Variants in INTS10 observed in about 807,000 individuals in gnomAD.
The protein encoded by INTS10 is integrator complex subunit 10, also known as chromosome 8 open reading frame 35.
A neutral mutation model predicts 94.4 loss-of-function variants in INTS10; 44 were observed. The observed-to-expected ratio is 0.47, with a 90% CI of 0.37 to 0.60. INTS10 has a LOEUF of 0.60. Ranked by LOEUF, INTS10 falls within the 20% of genes least tolerant of loss-of-function variation. The pLI, the probability that INTS10 is intolerant of heterozygous loss-of-function variation, is 0.00. For synonymous variants in INTS10, 341 were observed against 320.7 expected, an observed-to-expected ratio of 1.06 and a Z score of -0.68; for missense variants, 797 against 868.7, an observed-to-expected ratio of 0.92 and a Z score of 1.04.
In INTS10 at chr8:19,832,052, G is replaced by C; in HGVS notation, c.1319G>C (p.Trp440Ser). The C allele has an allele frequency of 6.2e-7, 1 of 1,606,112 alleles. No homozygotes were observed. Among genetic ancestry groups the C allele is most frequent in the Non-Finnish European group, 8.5e-7 (1 of 1,172,674 alleles). The change falls in exon 11 of 17, where the codon TGG (tryptophan) becomes TCG (serine). Residue 440 changes from tryptophan to serine, a missense_variant. Transcript: ENST00000397977. ...DKEFTRICLA[W>S]KTDTWLWLRI... ...GAATTTACAAGGATTTGCTTGGCCT[G>C]GAAGACGGATACTTGGCTTTGGTTA... is the stretch of plus-strand genomic sequence containing the variant.
At chr8:19,836,788 T>C (rs1468900235) in intron 12 of INTS10, among the ~76,000 whole-genome samples, 1 of 152,226 alleles carries the variant, frequency 6.6e-6, no homozygotes, top group East Asian at 1.9e-4. Flanking sequence ...CAGTACTTAA[T>C]GCTTGGTTAA....
Position 19,849,183 on chromosome 8 carries a change from G to T in INTS10, c.1977-2466G>T. On this transcript the variant is annotated intron_variant, in intron 16 of 16. Transcript: ENST00000397977. The surrounding 1 kb of genome is among the most constrained non-coding windows in gnomAD (Gnocchi z 4.6). ...AAAGGCCTTCTAGCCCTCCCATGGG[G>T]TTACTGCAGCAGGAATTCTTACCTG... 5.4e-6 allele frequency: 7 copies of T among 1,289,624 alleles called. No individual in the cohort carries two copies. The highest frequency in any genetic ancestry group is 7.1e-6 in the Non-Finnish European group (7 of 988,724). The allele number at this position is 1,289,624 out of a possible 1,614,324, so 79.9% of individuals were successfully genotyped here. A position where few individuals can be genotyped will look rare whatever the true frequency, so the allele number is the denominator to read the frequency against.
chr8:19,849,076 T>C lies in INTS10; in HGVS notation c.1977-2573T>C. 2 of 538,082 alleles carry C rather than the reference T, an allele frequency of 3.7e-6. No individual in the cohort carries two copies. Among genetic ancestry groups the C allele is most frequent in the Non-Finnish European group, 6.5e-6 (2 of 309,060 alleles). The allele number at this position is 538,082 out of a possible 1,614,324, so 33.3% of individuals were successfully genotyped here. On this transcript the variant is annotated intron_variant, in intron 16 of 16. Transcript: ENST00000397977. The surrounding 1 kb of genome is among the most constrained non-coding windows in gnomAD (Gnocchi z 4.6). ...TTTCTGTTTAGTCTGCTTCTAGTCT[T>C]GTGTATTTTCTCTGGAGTGTTGTTT...
At chr8:19,847,171 G>C (rs10112589) in intron 16 of INTS10, among the ~76,000 whole-genome samples, 19,246 of 152,198 alleles carry the variant, frequency 0.13, 1,363 homozygotes, top group East Asian at 0.29. Context: ...AGAATGGAAA[G>C]ATTAAGTGGT....
chr8:19,840,062 C>CAAAAA (rs56275270), intron 13 of INTS10, among the ~76,000 whole-genome samples: 1 of 70,314 alleles, frequency 1.4e-5, no homozygotes, highest in Non-Finnish European at 2.5e-5. Flanking sequence ...GACCTTGTCT[C>CAAAAA]AAAAAAAAAA....
chr8:19,831,904 C>G, intron 10 of INTS10, 124 bp from the exon 11 acceptor site: 2 of 662,774 alleles, frequency 3.0e-6, no homozygotes, highest in South Asian at 3.4e-5. Context: ...TGTTAGAAAT[C>G]AAAGTCAAAG....
intron 2 of INTS10, among the ~76,000 whole-genome samples, chr8:19,819,088 T>G (rs901765508): frequency 1.3e-5 from 2 of 152,224 alleles, no homozygotes; most frequent in African/African-American, 4.8e-5. Context: ...ACCAATGGTG[T>G]ATAAAGAGTG....
intron 11 of INTS10, among the ~76,000 whole-genome samples, chr8:19,832,878 CA>C (rs1261848043): frequency 6.6e-6 from 1 of 152,088 alleles, no homozygotes; most frequent in Non-Finnish European, 1.5e-5. Context: ...ATGTTATATC[CA>C]AATGTGCTGG....
chr8:19,819,007 T>A (rs958727309), intron 2 of INTS10: 2 of 152,488 alleles, frequency 1.3e-5, no homozygotes, highest in African/African-American at 4.8e-5. Context: ...TAGTCAAAGT[T>A]TATGCGCATT....
In INTS10 at chr8:19,830,292, G is replaced by A. The variant is rs550729199; in HGVS notation, c.1141-114G>A. 7 of 813,924 alleles carry A rather than the reference G, an allele frequency of 8.6e-6. No homozygotes were observed. The South Asian group carries it at 1.5e-4, about 18-fold the overall frequency. 50.4% of individuals were successfully genotyped at this position (813,924 alleles called of 1,614,324 possible). The stretch of plus-strand genomic sequence containing the variant: ...AAATTCAAAAAAATTGTATGTATGT[G>A]GTATCCTTTGATATAAAATTCATAT... On this transcript the variant is annotated intron_variant, in intron 9 of 16. Transcript: ENST00000397977.
Position 19,845,809 on chromosome 8 carries a change from C to G in INTS10, c.1976+12C>G. On this transcript the variant is annotated intron_variant, in intron 16 of 16. Transcript: ENST00000397977. ...GGAATGCTGATCAAGTAAGCATGTTCTCTTTTGCTCTTCCATGCTGAGTGC... is the reference window on the plus strand; with the variant it reads ...GGAATGCTGATCAAGTAAGCATGTTGTCTTTTGCTCTTCCATGCTGAGTGC... 1 of 1,573,840 alleles carries G rather than the reference C, an allele frequency of 6.4e-7. No individual in the cohort carries two copies.
intron 16 of INTS10, among the ~76,000 whole-genome samples, chr8:19,850,213 C>T (rs555443283): frequency 3.3e-5 from 5 of 152,128 alleles, no homozygotes; most frequent in Non-Finnish European, 7.4e-5. Flanking sequence ...CAGTAACCTC[C>T]GCTTGGTCAG....
intron 9 of INTS10, among the ~76,000 whole-genome samples, chr8:19,828,712 T>A (rs2066993927): frequency 6.7e-6 from 1 of 150,154 alleles, no homozygotes; most frequent in South Asian, 2.1e-4. Flanking sequence ...ACCTGGCAGA[T>A]ACGGTTGTGG....
At chr8:19,820,609 T>C in intron 4 of INTS10, 91 bp downstream of exon 4, 1 of 1,190,458 alleles carries the variant, frequency 8.4e-7, no homozygotes. Flanking sequence ...AAAGCAGAAG[T>C]TTCTGAAGAG....
intron 15 of INTS10, 119 bp from the exon 16 acceptor site, chr8:19,845,585 T>C (rs2068508874): frequency 1.4e-6 from 1 of 700,282 alleles, no homozygotes. Context: ...CAGAGAGAAC[T>C]GGCACCTTTT....
intron 13 of INTS10, 102 bp from the exon 14 acceptor site, chr8:19,842,746 C>CTTT: frequency 1.5e-6 from 1 of 674,280 alleles, no homozygotes; most frequent in Non-Finnish European, 2.6e-6. Context: ...TGCATATTCT[C>CTTT]TTTTTTGTTG....
At position 19,835,483 on chromosome 8, in the gene INTS10, T is replaced by C. The variant is rs1316627213; in HGVS notation, c.1531-1569T>C. ...GAAAAAAACAAATATTAGTTGATAG[T>C]CCTCAGTCATAGGCACAATAGGCAT... On this transcript the variant is annotated intron_variant, in intron 12 of 16. Transcript: ENST00000397977. Among the ~76,000 whole-genome samples the C allele has an allele frequency of 2.0e-5, 3 of 152,188 alleles. No individual in the cohort carries two copies. The East Asian group carries it at 5.8e-4, about 29-fold the overall frequency.
intron 5 of INTS10, 86 bp downstream of exon 5, chr8:19,822,606 A>C (rs920971817): frequency 1.3e-6 from 1 of 785,890 alleles, no homozygotes; most frequent in African/African-American, 1.7e-5. Context: ...TCATATATGA[A>C]AGGCAAAGGA....
At chr8:19,831,031 A>G (rs2067189684) in intron 10 of INTS10, among the ~76,000 whole-genome samples, 3 of 152,338 alleles carry the variant, frequency 2.0e-5, no homozygotes, top group African/African-American at 4.8e-5. Flanking sequence ...TCCAAAAACT[A>G]TAGGAAGCCT....
Sources: gnomAD v4.1 joint callset for allele counts (sites outside exome capture counted in the v4.1 genomes callset) on GRCh38, gnomAD v4.1.1 for gene constraint, Gnocchi (gnomAD v3.1) non-coding constraint, MANE v1.5 for transcripts, NCBI Gene and HGNC (gene_info 2026-07-23, HGNC 2026-07-21) for gene names.